ESR1: variants seen among roughly 807,000 people sequenced by gnomAD.
The protein encoded by ESR1 is estrogen receptor 1.
A neutral mutation model predicts 52.7 loss-of-function variants in ESR1; 12 were observed. The observed-to-expected ratio is 0.23, with a 90% CI of 0.15 to 0.37. ESR1 has a LOEUF of 0.37. Among genes scored for constraint, ESR1 ranks in the 10% least tolerant of loss-of-function variants. ESR1 has a pLI of 1.00. For synonymous variants in ESR1, 305 were observed against 316.8 expected, an observed-to-expected ratio of 0.96 and a Z score of 0.39; for missense variants, 584 against 779.7, an observed-to-expected ratio of 0.75 and a Z score of 2.99.
intron 5 of ESR1, among the ~76,000 whole-genome samples, chr6:152,034,803 G>C (rs994507669): frequency 1.3e-5 from 2 of 152,140 alleles, no homozygotes; most frequent in African/African-American, 4.8e-5. Context: ...CTAACGACTA[G>C]CAAAGGATAC....
At chr6:151,807,389 G>GGCGAGGTGTACCTGGACAGCAGC, upstream of ESR1, 1 of 207,388 alleles carries the variant, frequency 4.8e-6, no homozygotes, top group South Asian at 8.8e-5. Context: ...CCGGCCCCTG[G>GGCGAGGTGTACCTGGACAGCAGC]ATCCGTCTTT....
intron 1 of ESR1, among the ~76,000 whole-genome samples, chr6:151,678,421 C>G (rs527345736): frequency 3.2e-4 from 49 of 151,374 alleles, no homozygotes; most frequent in Non-Finnish European, 1.5e-5. Flanking sequence ...TGCACTCAAC[C>G]GAGATTGTGC....
chr6:152,099,081 A>C lies in ESR1; in HGVS notation c.*115A>C. 3.8e-6 allele frequency: 3 copies of C among 788,920 alleles called. No homozygotes were observed. Among genetic ancestry groups the C allele is most frequent in the Non-Finnish European group, 4.3e-6 (2 of 466,096 alleles). 48.9% of individuals were successfully genotyped at this position (788,920 alleles called of 1,614,324 possible). ...ACACTCCGGCATGCATCCAACACCA[A>C]TGGCTTTCTAGATGAGTGGCCATTC... On this transcript the variant is annotated 3_prime_UTR_variant, in exon 8 of 8. Coordinates refer to ENST00000206249, the MANE Select transcript of ESR1 (RefSeq NM_000125.4).
At chr6:151,768,931 T>C (rs1300644120) in intron 2 of ESR1, among the ~76,000 whole-genome samples, 1 of 152,230 alleles carries the variant, frequency 6.6e-6, no homozygotes, top group Non-Finnish European at 1.5e-5. Context: ...AGTTGGTCAC[T>C]GATATTCTAG....
At chr6:152,093,016 C>T (rs1381066407) in intron 6 of ESR1, among the ~76,000 whole-genome samples, 2 of 152,140 alleles carry the variant, frequency 1.3e-5, no homozygotes, top group Non-Finnish European at 2.9e-5. Context: ...TGGTGGCTCA[C>T]GCCTATCATC....
intron 3 of ESR1, among the ~76,000 whole-genome samples, chr6:151,890,785 T>A (rs1221305238): frequency 6.6e-6 from 1 of 152,232 alleles, no homozygotes; most frequent in Non-Finnish European, 1.5e-5. Context: ...CCTATTTTAT[T>A]TGATATAAAT....
chr6:151,958,030 T>C (rs1420340050), intron 4 of ESR1, among the ~76,000 whole-genome samples: 1 of 152,208 alleles, frequency 6.6e-6, no homozygotes, highest in African/African-American at 2.4e-5. Flanking sequence ...TTATATCTAC[T>C]GGTCAGAACT....
chr6:151,853,315 A>G (rs1214813342), intron 2 of ESR1, among the ~76,000 whole-genome samples: 1 of 152,134 alleles, frequency 6.6e-6, no homozygotes, highest in East Asian at 1.9e-4. Flanking sequence ...AAATAGAAAG[A>G]CACACCATGA....
At chr6:151,943,245 T>G (rs1370620166) in intron 3 of ESR1, among the ~76,000 whole-genome samples, 1 of 151,996 alleles carries the variant, frequency 6.6e-6, no homozygotes, top group Non-Finnish European at 1.5e-5. Flanking sequence ...CCGGGCATGG[T>G]GGCAGGTGCC....
chr6:152,116,506 G>T (rs555885944), intron 6 of ESR1, among the ~76,000 whole-genome samples: 13 of 152,016 alleles, frequency 8.6e-5, no homozygotes, highest in Non-Finnish European at 1.5e-4. Context: ...GCCTAGAAAG[G>T]TAACATAAAA....
intron 2 of ESR1, among the ~76,000 whole-genome samples, chr6:151,857,328 G>A (rs1416953479): frequency 6.6e-6 from 1 of 152,120 alleles, no homozygotes; most frequent in Non-Finnish European, 1.5e-5. Flanking sequence ...GGGATGATGT[G>A]CGTAGGTTAT....
At chr6:152,097,147 TTCTCTC>T (rs149519536) in intron 7 of ESR1, among the ~76,000 whole-genome samples, 2 of 150,070 alleles carry the variant, frequency 1.3e-5, no homozygotes, top group Admixed American at 6.6e-5. Context: ...CTCTCTCTCT[TTCTCTC>T]TCTCTCTCTG....
chr6:151,899,263 A>C (rs1404006623), intron 3 of ESR1, among the ~76,000 whole-genome samples: 10 of 87,518 alleles, frequency 1.1e-4, no homozygotes, highest in South Asian at 3.9e-4. Context: ...CTGAACCCCC[A>C]CCTCCCTCCC....
At chr6:151,973,432 T>C (rs2039114659) in intron 4 of ESR1, among the ~76,000 whole-genome samples, 1 of 152,198 alleles carries the variant, frequency 6.6e-6, no homozygotes, top group South Asian at 2.1e-4. Flanking sequence ...ATAACTTGGC[T>C]AACTTTACTG....
At chr6:151,899,941 C>A (rs1056926201) in intron 3 of ESR1, among the ~76,000 whole-genome samples, 1 of 150,486 alleles carries the variant, frequency 6.6e-6, no homozygotes, top group Non-Finnish European at 1.5e-5. Flanking sequence ...GGGCTCCTCA[C>A]ATCCCAGACG....
chr6:151,931,477 G>A (rs1053472496), intron 3 of ESR1, among the ~76,000 whole-genome samples: 1 of 151,028 alleles, frequency 6.6e-6, no homozygotes, highest in Non-Finnish European at 1.5e-5. Flanking sequence ...TATACTTTAA[G>A]TTTTAGGGTA....
intron 1 of ESR1, among the ~76,000 whole-genome samples, chr6:151,667,586 C>T (rs1777875829): frequency 6.6e-6 from 1 of 152,192 alleles, no homozygotes; most frequent in African/African-American, 2.4e-5. Flanking sequence ...AGGGATGTTG[C>T]TTGCAAAGAC....
At chr6:152,128,123 T>C (rs1248007552) in exon 7 of ESR1, 1 of 152,206 alleles carries the variant, frequency 6.6e-6, no homozygotes, top group East Asian at 1.9e-4. Context: ...TTCAACTCAG[T>C]TGCAGTAGTG....
At chr6:151,953,868 A>T (rs1936466842) in intron 4 of ESR1, among the ~76,000 whole-genome samples, 1 of 152,072 alleles carries the variant, frequency 6.6e-6, no homozygotes, top group Admixed American at 6.5e-5. Flanking sequence ...GTTTCATACC[A>T]CTTTTATGTT....
Sources: gnomAD v4.1 joint callset for allele counts (sites outside exome capture counted in the v4.1 genomes callset) on GRCh38, gnomAD v4.1.1 for gene constraint, MANE v1.5 for transcripts, NCBI Gene and HGNC (gene_info 2026-07-23, HGNC 2026-07-21) for gene names.